The following ZMYND19 variants were observed in gnomAD, a reference collection of about 807,000 sequenced individuals.
ZMYND19 encodes zinc finger MYND domain-containing protein 19.
Under a neutral mutation model 32.0 loss-of-function variants are expected in ZMYND19, and 17 were observed. The ratio of observed to expected loss-of-function variants is 0.53; its 90% CI spans 0.36 to 0.80. The LOEUF is 0.80. Among genes scored for constraint, ZMYND19 ranks in the 30% least tolerant of loss-of-function variants. The pLI is 0.00. For missense variants in ZMYND19, 250 were observed against 293.6 expected, an observed-to-expected ratio of 0.85 and a Z score of 1.09; for synonymous variants, 124 against 113.6, an observed-to-expected ratio of 1.09 and a Z score of -0.58.
Position 137,588,692 on chromosome 9 carries a change from C to CT in ZMYND19, c.77dup (p.Asp27GlyfsTer11). On this transcript the variant is annotated frameshift_variant, in exon 2 of 6. Transcript: ENST00000298585. LOFTEE classifies it high-confidence loss of function. ...AGTAGCTCTCCACCAGCGGGATGTC[C>CT]TGCTCATCGATCAGCGTGTATTTGG... 6.2e-7 allele frequency: 1 copy of CT among 1,614,232 alleles called. No individual in the cohort carries two copies. Among genetic ancestry groups the CT allele is most frequent in the Non-Finnish European group, 8.5e-7 (1 of 1,180,016 alleles).
intron 2 of ZMYND19, 62 bp from the exon 3 acceptor site, chr9:137,587,885 C>A: frequency 6.6e-7 from 1 of 1,518,924 alleles, no homozygotes; most frequent in Admixed American, 1.7e-5. Flanking sequence ...CACTTCAATT[C>A]CCTCTTAGAA....
intron 3 of ZMYND19, 111 bp downstream of exon 3, chr9:137,587,606 G>A (rs995877049): frequency 1.1e-6 from 1 of 894,830 alleles, no homozygotes; most frequent in Non-Finnish European, 1.8e-6. Context: ...GCGAGATTCA[G>A]GGAAGGCAAG....
intron 4 of ZMYND19, among the ~76,000 whole-genome samples, chr9:137,585,785 C>A (rs1159675599): frequency 6.6e-6 from 1 of 152,222 alleles, no homozygotes; most frequent in Non-Finnish European, 1.5e-5. Context: ...TCTGAGGTGA[C>A]AACTGCAAAG....
rs1376470435 is a variant in ZMYND19, at chr9:137,590,230, C to T, written c.34G>A (p.Gly12Ser). The T allele has an allele frequency of 8.7e-7, 1 of 1,144,364 alleles. No individual in the cohort carries two copies. The highest frequency in any genetic ancestry group is 1.1e-6 in the Non-Finnish European group (1 of 916,838). The allele number at this position is 1,144,364 out of a possible 1,614,324, so 70.9% of individuals were successfully genotyped here. Reference sequence around the variant, plus strand: ...CCGCTCACCTTCCCGGCCACCCGGCCGAGCCGCACGATACCCAATTTGAAG... The same window carrying T: ...CCGCTCACCTTCCCGGCCACCCGGCTGAGCCGCACGATACCCAATTTGAAG... ...TDFKLGIVRL[G>S]RVAGKTKYTL... The change falls in exon 1 of 6, where the codon GGC becomes AGC. Residue 12 changes from glycine (G) to serine (S), a missense_variant. Gly to Ser is a moderately conservative substitution (Grantham distance 56). Coordinates refer to ENST00000298585, the MANE Select transcript of ZMYND19 (RefSeq NM_138462.3). The surrounding 1 kb of genome is among the most constrained non-coding windows in gnomAD (Gnocchi z 4.2).
Position 137,587,314 on chromosome 9 carries a change from G to C in ZMYND19, c.219-207C>G, listed in dbSNP as rs572623660. The C allele has an allele frequency of 2.1e-4, 170 of 813,544 alleles. 1 individual carries two copies. The highest frequency in any genetic ancestry group is 7.4e-4 in the South Asian group (40 of 53,860). The allele number at this position is 813,544 out of a possible 1,614,324, so 50.4% of individuals were successfully genotyped here. A position where few individuals can be genotyped will look rare whatever the true frequency, so the allele number is the denominator to read the frequency against. On this transcript the variant is annotated intron_variant, in intron 3 of 5. Transcript: ENST00000298585. Reference sequence around the variant, plus strand: ...CTGATCTGTGGCCCAAACAGGACAGGGACACAGGGAGGACCCGGCCCCTGG... The same window carrying C: ...CTGATCTGTGGCCCAAACAGGACAGCGACACAGGGAGGACCCGGCCCCTGG...
chr9:137,587,530 T>A, intron 3 of ZMYND19, 187 bp downstream of exon 3: 1 of 626,060 alleles, frequency 1.6e-6, no homozygotes, highest in Non-Finnish European at 2.8e-6. Flanking sequence ...GTCCACTTGG[T>A]GTTTGAAGTG....
chr9:137,584,156 G>A (rs1413278450), intron 4 of ZMYND19, among the ~76,000 whole-genome samples: 1 of 152,264 alleles, frequency 6.6e-6, no homozygotes, highest in Non-Finnish European at 1.5e-5. Flanking sequence ...TTCTGCTCGG[G>A]GCCTGGGGTG....
At chr9:137,586,225 A>G (rs959957736) in intron 4 of ZMYND19, among the ~76,000 whole-genome samples, 6 of 152,248 alleles carry the variant, frequency 3.9e-5, no homozygotes, top group Admixed American at 2.6e-4. Context: ...AGAACACAAC[A>G]AAAAGACCCA....
Position 137,582,673 on chromosome 9 carries a change from T to C in ZMYND19, c.554A>G (p.Asn185Ser). 2 of 1,613,056 alleles carry C rather than the reference T, an allele frequency of 1.2e-6. No homozygotes were observed. The highest frequency in any genetic ancestry group is 2.2e-5 in the East Asian group (1 of 44,888). ...GGCCACCTGGCAGCGCCCACAGATG[T>C]TGAACTCCCGGAGCTGAAATACAGA... ...TVIEKQLREF[N>S]ICGRCQVARY... Residue 185 changes from asparagine to serine, a missense_variant, in exon 6 of 6, where the codon AAC (asparagine) becomes AGC (serine). Physicochemically the swap from Asn to Ser is conservative, Grantham distance 46. Coordinates refer to ENST00000298585, the MANE Select transcript of ZMYND19 (RefSeq NM_138462.3).
rs924456700 is a variant in ZMYND19 at position 137,585,734 on chromosome 9, C to T, written c.359+1233G>A. Among the ~76,000 whole-genome samples the T allele has an allele frequency of 3.3e-4, 50 of 152,154 alleles. 1 individual carries two copies. Among genetic ancestry groups the T allele is most frequent in the Non-Finnish European group, 7.3e-5 (5 of 68,032 alleles). On this transcript the variant is annotated intron_variant, in intron 4 of 5. Coordinates refer to ENST00000298585, the MANE Select transcript of ZMYND19 (RefSeq NM_138462.3). ...ATCACCAACCAGTGTGTCAGGTGCT[C>T]CCACTGTTTCCACCTCGGCTGCCCA...
Position 137,582,482 on chromosome 9 carries a change from T to C in ZMYND19, c.*61A>G, listed in dbSNP as rs888942152. 2 of 1,554,822 alleles carry C rather than the reference T, an allele frequency of 1.3e-6. No homozygotes were observed. The highest frequency in any genetic ancestry group is 1.7e-6 in the Non-Finnish European group (2 of 1,149,842). ...GCACCTCCAGGTTCAACCACCAGTC[T>C]GTCTCTGCTGTGCCCAGGGTAGAGC... On this transcript the variant is annotated 3_prime_UTR_variant, in exon 6 of 6. Coordinates refer to ENST00000298585, the MANE Select transcript of ZMYND19 (RefSeq NM_138462.3).
At chr9:137,582,770 G>A (rs924442664) in intron 5 of ZMYND19, 84 bp from the exon 6 acceptor site, 14 of 1,554,684 alleles carry the variant, frequency 9.0e-6, no homozygotes, top group African/African-American at 4.1e-5. Context: ...ACAATCTGAC[G>A]GACCCAGCAA....
rs747480247 is a variant in ZMYND19, at chr9:137,586,993, C to T, written c.333G>A (p.Lys111=). ...LQLVPWGWRP[K]AEETSSKQRE... Reference sequence around the variant, plus strand: ...TCTGCTTGCTGGAGGTCTCTTCAGCCTTGGGCCGCCAGCCCCACGGCACCA... The same window carrying T: ...TCTGCTTGCTGGAGGTCTCTTCAGCTTTGGGCCGCCAGCCCCACGGCACCA... Residue 111 remains lysine (K), a synonymous_variant, in exon 4 of 6, where the codon AAG becomes AAA. Coordinates refer to ENST00000298585, the MANE Select transcript of ZMYND19 (RefSeq NM_138462.3). 5.6e-6 allele frequency: 9 copies of T among 1,612,358 alleles called. No individual in the cohort carries two copies. The South Asian group carries it at 8.8e-5, about 16-fold the overall frequency.
chr9:137,583,590 C>T (rs1347293788), intron 4 of ZMYND19, among the ~76,000 whole-genome samples: 1 of 152,216 alleles, frequency 6.6e-6, no homozygotes, highest in African/African-American at 2.4e-5. Context: ...GGCCAGATGC[C>T]TACAACGGGA....
intron 4 of ZMYND19, among the ~76,000 whole-genome samples, chr9:137,586,725 G>A (rs1842209115): frequency 6.6e-6 from 1 of 152,206 alleles, no homozygotes; most frequent in African/African-American, 2.4e-5. Flanking sequence ...CAGCTAAAGG[G>A]AGGTTCCCAG....
Position 137,587,084 on chromosome 9 carries a change from G to A in ZMYND19, c.242C>T (p.Ala81Val), listed in dbSNP as rs1273014574. 6.2e-7 allele frequency: 1 copy of A among 1,607,966 alleles called. No individual in the cohort carries two copies. Residue 81 changes from alanine to valine, a missense_variant, in exon 4 of 6, where the codon GCC becomes GTC. Physicochemically the swap from Ala to Val is moderately conservative, Grantham distance 64. Around this residue, in one of 2 missense-constraint regions of ZMYND19, gnomAD observed 212 missense variants for 218.8 expected, o/e 0.97. Coordinates refer to ENST00000298585, the MANE Select transcript of ZMYND19 (RefSeq NM_138462.3). ...LLWERHRGGV[A>V]PGFQVVHLNA... ...GAGGTGCACCACCTGGAAGCCCGGG[G>A]CCACGCCCCCCCGGTGCCGCTCCCT... is the stretch of plus-strand genomic sequence containing the variant.
chr9:137,582,929 G>T, intron 5 of ZMYND19, 54 bp downstream of exon 5: 1 of 1,595,356 alleles, frequency 6.3e-7, no homozygotes, highest in Non-Finnish European at 8.6e-7. Context: ...CCAAACCAAG[G>T]CTGGGCTACA....
At chr9:137,587,571 AGTG>A in intron 3 of ZMYND19, 143 bp downstream of exon 3, 1 of 712,840 alleles carries the variant, frequency 1.4e-6, no homozygotes, top group South Asian at 1.6e-5. Context: ...CCTTTGGGTT[AGTG>A]GTGAAGGACA....
Position 137,590,214 on chromosome 9 carries a change from T to C in ZMYND19, c.50A>G (p.Lys17Arg). 8.9e-7 allele frequency: 1 copy of C among 1,124,818 alleles called. No homozygotes were observed. Among genetic ancestry groups the C allele is most frequent in the Non-Finnish European group, 1.1e-6 (1 of 906,316 alleles). The allele number at this position is 1,124,818 out of a possible 1,614,324, so 69.7% of individuals were successfully genotyped here. Reference protein sequence around the residue: ...GIVRLGRVAGKTKYTLIDEQD... With the variant: ...GIVRLGRVAGRTKYTLIDEQD... ...GGTCGCGGGCTCCGCGCCGCTCACCTTCCCGGCCACCCGGCCGAGCCGCAC... is the reference window on the plus strand; with the variant it reads ...GGTCGCGGGCTCCGCGCCGCTCACCCTCCCGGCCACCCGGCCGAGCCGCAC... The change falls in exon 1 of 6, where the codon AAG becomes AGG. Residue 17 changes from lysine (K) to arginine (R), a missense_variant and splice_region_variant. Around this residue, in one of 2 missense-constraint regions of ZMYND19, gnomAD observed 212 missense variants for 218.8 expected, o/e 0.97. Coordinates refer to ENST00000298585, the MANE Select transcript of ZMYND19 (RefSeq NM_138462.3). The surrounding 1 kb of genome is among the most constrained non-coding windows in gnomAD (Gnocchi z 4.2).
Sources: allele counts gnomAD v4.1 joint callset (sites outside exome capture counted in the v4.1 genomes callset), GRCh38; gene constraint gnomAD v4.1.1; regional missense constraint gnomAD v4.1.1; non-coding constraint Gnocchi (gnomAD v3.1); transcripts MANE v1.5; gene names NCBI Gene and HGNC (gene_info 2026-07-23, HGNC 2026-07-21).